The following MARCHF6 variants were observed in gnomAD, a reference collection of about 807,000 sequenced individuals.
MARCHF6 encodes membrane associated ring-CH-type finger 6, also known as E3 ubiquitin-protein ligase MARCHF6.
MARCHF6 carries 31 observed loss-of-function variants against 133.7 expected under a neutral mutation model. The ratio of observed to expected loss-of-function variants is 0.23; its 90% CI spans 0.17 to 0.31. The LOEUF (loss-of-function observed/expected upper bound fraction) is 0.31, where lower values mean the gene tolerates loss of function less well. MARCHF6 is among the 10% of genes least tolerant of loss of function. MARCHF6 has a pLI of 1.00. For synonymous variants in MARCHF6, 395 were observed against 402.5 expected (o/e 0.98, Z 0.22); for missense variants, 723 against 1,121.6 (o/e 0.64, Z 5.08).
intron 1 of MARCHF6, among the ~76,000 whole-genome samples, chr5:10,375,420 C>G (rs891210249): frequency 6.6e-6 from 1 of 152,264 alleles, no homozygotes. Context: ...ACCTGCAGCC[C>G]GCCATGCCTG....
At chr5:10,416,144 T>G (rs1416705887) in intron 21 of MARCHF6, among the ~76,000 whole-genome samples, 1 of 152,216 alleles carries the variant, frequency 6.6e-6, no homozygotes, top group Non-Finnish European at 1.5e-5. Context: ...TTTGTAACAT[T>G]ATTGCTCTCA....
Position 10,417,273 on chromosome 5 carries a change from A to C in MARCHF6, c.2152A>C (p.Met718Leu), listed in dbSNP as rs1340133966. The C allele has an allele frequency of 6.8e-6, 11 of 1,608,270 alleles. No individual in the cohort carries two copies. Among genetic ancestry groups the C allele is most frequent in the Non-Finnish European group, 9.3e-6 (11 of 1,178,712 alleles). Residue 718 changes from methionine to leucine, a missense_variant, in exon 22 of 26, where the codon ATG becomes CTG. By Grantham distance (15) the Met-to-Leu change is conservative (BLOSUM62 2). This residue lies in a region of MARCHF6 where 492 missense variants were observed against 699.5 expected (regional missense o/e 0.70). Coordinates refer to ENST00000274140, the MANE Select transcript of MARCHF6 (RefSeq NM_005885.4). ...QKVKEWSLMI[M>L]KTLIVAVLLA... ...GTGGGCTCCTGTTTCCTAATAGATC[A>C]TGAAGACTTTGATAGTTGCGGTGCT...
chr5:10,359,089 G>A (rs1314343438), intron 1 of MARCHF6, among the ~76,000 whole-genome samples: 1 of 152,174 alleles, frequency 6.6e-6, no homozygotes, highest in African/African-American at 2.4e-5. Context: ...ATGGTAAAAA[G>A]TATCTCTCTG....
chr5:10,394,930 G>C (rs1318624064), intron 9 of MARCHF6, 145 bp downstream of exon 9: 4 of 552,904 alleles, frequency 7.2e-6, no homozygotes, highest in African/African-American at 2.0e-5. Context: ...TTTCCAGGTA[G>C]CTGGGACTAC....
chr5:10,397,905 T>C (rs1253885429), intron 10 of MARCHF6, among the ~76,000 whole-genome samples: 1 of 152,178 alleles, frequency 6.6e-6, no homozygotes, highest in Non-Finnish European at 1.5e-5. Context: ...GTCCCTTCCA[T>C]TGGGACTAAT....
chr5:10,379,567 TCTC>T (rs1355004136), intron 3 of MARCHF6, among the ~76,000 whole-genome samples: 1 of 152,044 alleles, frequency 6.6e-6, no homozygotes, highest in Non-Finnish European at 1.5e-5. Flanking sequence ...TTCACGCCAT[TCTC>T]CTGCCTCAGC....
chr5:10,428,270 C>T (rs1172306858), intron 24 of MARCHF6, among the ~76,000 whole-genome samples: 1 of 151,490 alleles, frequency 6.6e-6, no homozygotes, highest in East Asian at 1.9e-4. Context: ...ATCATAAATA[C>T]CATATTAAAA....
At position 10,440,351 on chromosome 5, in the gene MARCHF6, CAG is replaced by C. The variant is rs1197152212; in HGVS notation, c.*6669_*6670del. 9 of 152,198 alleles carry C rather than the reference CAG, an allele frequency of 5.9e-5. No individual in the cohort carries two copies. Among genetic ancestry groups the C allele is most frequent in the Non-Finnish European group, 1.2e-4 (8 of 68,034 alleles). 9.4% of individuals were successfully genotyped at this position (152,198 alleles called of 1,614,324 possible). ...TTGTGTGCTTCCAGACATACCTTCA[CAG>C]AATCATTTATCACAATAAAGGTGTC... On this transcript the variant is annotated 3_prime_UTR_variant, in exon 26 of 26. Transcript: ENST00000274140.
At chr5:10,354,193 C>A (rs1414644027) in intron 1 of MARCHF6, among the ~76,000 whole-genome samples, 2 of 152,062 alleles carry the variant, frequency 1.3e-5, no homozygotes, top group African/African-American at 2.4e-5. Context: ...GCCGGCGTGG[C>A]CTCCCTTGTC....
At chr5:10,427,367 A>C (rs1276047050) in intron 24 of MARCHF6, among the ~76,000 whole-genome samples, 2 of 152,034 alleles carry the variant, frequency 1.3e-5, no homozygotes, top group Non-Finnish European at 2.9e-5. Context: ...TTTGGTGAAC[A>C]TTTTTTTCAT....
At chr5:10,394,856 G>A in intron 9 of MARCHF6, 71 bp downstream of exon 9, 1 of 981,518 alleles carries the variant, frequency 1.0e-6, no homozygotes, top group Non-Finnish European at 1.5e-6. Flanking sequence ...CTGGACTGCA[G>A]TGGCGTGATC....
chr5:10,372,434 A>G lies in MARCHF6; in HGVS notation c.20-5364A>G, dbSNP rs528014190. On this transcript the variant is annotated intron_variant, in intron 1 of 25. Transcript: ENST00000274140. ...AGAATTTTTTATACTTCATTATACA[A>G]TTGACTCTGTGAAAATAGATGCTAG... is the stretch of plus-strand genomic sequence containing the variant. 2.0e-5 allele frequency among the ~76,000 whole-genome samples: 3 copies of G among 152,326 alleles called. No homozygotes were observed. The South Asian group carries it at 6.2e-4, about 32-fold the overall frequency.
At chr5:10,396,611 G>T (rs1423145959) in intron 9 of MARCHF6, among the ~76,000 whole-genome samples, 3 of 152,156 alleles carry the variant, frequency 2.0e-5, no homozygotes, top group Admixed American at 1.3e-4. Flanking sequence ...AAGGTTGTGG[G>T]CATGAATGAA....
At position 10,439,242 on chromosome 5, in the gene MARCHF6, T is replaced by G. The variant is rs768436104; in HGVS notation, c.*5558T>G. ...TCTTGAAAAAATGATGCTGGAATAA[T>G]TGGGCATCAGATGCAAAATTAAAAA... On this transcript the variant is annotated 3_prime_UTR_variant, in exon 26 of 26. Transcript: ENST00000274140. 1.1e-4 allele frequency: 17 copies of G among 152,316 alleles called. No individual in the cohort carries two copies. The highest frequency in any genetic ancestry group is 2.4e-4 in the Non-Finnish European group (16 of 68,034). The allele number at this position is 152,316 out of a possible 1,614,324, so 9.4% of individuals were successfully genotyped here. A position where few individuals can be genotyped will look rare whatever the true frequency, so the allele number is the denominator to read the frequency against.
At chr5:10,404,965 G>A (rs1345631881) in intron 15 of MARCHF6, among the ~76,000 whole-genome samples, 1 of 152,132 alleles carries the variant, frequency 6.6e-6, no homozygotes, top group Admixed American at 6.5e-5. Context: ...TCAGTGTGGT[G>A]GTTTTTGTTG....
rs1209981453 is a variant in MARCHF6 at position 10,436,490 on chromosome 5, A to G, written c.*2806A>G. ...CTTCTTCACATAAATTTTTTTTTAA[A>G]TTATACTATTATTTTGCTTAATTTT... On this transcript the variant is annotated 3_prime_UTR_variant, in exon 26 of 26. Transcript: ENST00000274140. 6.6e-6 allele frequency: 1 copy of G among 152,100 alleles called. No homozygotes were observed. The highest frequency in any genetic ancestry group is 1.5e-5 in the Non-Finnish European group (1 of 68,008). 9.4% of individuals were successfully genotyped at this position (152,100 alleles called of 1,614,324 possible).
intron 1 of MARCHF6, among the ~76,000 whole-genome samples, chr5:10,377,143 G>T (rs1287901404): frequency 1.3e-5 from 2 of 152,146 alleles, no homozygotes; most frequent in Non-Finnish European, 2.9e-5. Flanking sequence ...GTAGTGCTGG[G>T]CATGAGGGGT....
At position 10,403,419 on chromosome 5, in the gene MARCHF6, G is replaced by T; in HGVS notation, c.1210G>T (p.Ala404Ser). The change falls in exon 15 of 26, where the codon GCT becomes TCT. Residue 404 changes from alanine to serine, a missense_variant. Around this residue, in one of 4 missense-constraint regions of MARCHF6, gnomAD observed 492 missense variants for 699.5 expected, o/e 0.70. Coordinates refer to ENST00000274140, the MANE Select transcript of MARCHF6 (RefSeq NM_005885.4). ...TCTTTTGTCTCAGGAAATGTTTGAT[G>T]CTACTCTGAAAGATCGAGAACTGAG... ...LDICSLEMFDATLKDRELSFQ... is the reference protein window; with the variant it reads ...LDICSLEMFDSTLKDRELSFQ... 1 of 1,613,150 alleles carries T rather than the reference G, an allele frequency of 6.2e-7. No homozygotes were observed. The highest frequency in any genetic ancestry group is 8.5e-7 in the Non-Finnish European group (1 of 1,179,638).
At chr5:10,381,715 G>A (rs1422019274) in intron 3 of MARCHF6, 85 bp from the exon 4 acceptor site, 25 of 1,061,396 alleles carry the variant, frequency 2.4e-5, no homozygotes, top group Non-Finnish European at 3.4e-5. Context: ...AATATTGGAA[G>A]TTTAGTTAAT....
Sources: gnomAD v4.1 joint callset for allele counts (sites outside exome capture counted in the v4.1 genomes callset) on GRCh38, gnomAD v4.1.1 for gene constraint, gnomAD v4.1.1 regional missense constraint, MANE v1.5 for transcripts, NCBI Gene and HGNC (gene_info 2026-07-23, HGNC 2026-07-21) for gene names.